The following NELL1 variants were observed in gnomAD, a reference collection of about 807,000 sequenced individuals.
NELL1 encodes protein kinase C-binding protein NELL1.
NELL1 carries 76 observed loss-of-function variants against 107.4 expected under a neutral mutation model. The ratio of observed to expected loss-of-function variants is 0.71; its 90% CI spans 0.59 to 0.86. The LOEUF is 0.86. Ranked by LOEUF, NELL1 falls within the 40% of genes least tolerant of loss-of-function variation. NELL1 has a pLI of 0.00. For missense variants in NELL1, 1,024 were observed against 1,005.5 expected, an observed-to-expected ratio of 1.02 and a Z score of -0.25; for synonymous variants, 353 against 341.2, an observed-to-expected ratio of 1.03 and a Z score of -0.38.
chr11:20,720,343 G>A (rs1855351721), intron 2 of NELL1, among the ~76,000 whole-genome samples: 1 of 151,894 alleles, frequency 6.6e-6, no homozygotes, highest in East Asian at 1.9e-4. Context: ...GAGTAGCTGG[G>A]ACTACAGGCG....
intron 1 of NELL1, among the ~76,000 whole-genome samples, chr11:20,670,172 C>A (rs923402174): frequency 8.5e-5 from 13 of 152,132 alleles, no homozygotes; most frequent in African/African-American, 2.9e-4. Flanking sequence ...CCCCGCCAGG[C>A]TGGGAAGGGG....
Position 20,799,302 on chromosome 11 carries a change from G to C in NELL1, c.335+15472G>C, listed in dbSNP as rs1340810822. 2.6e-5 allele frequency among the ~76,000 whole-genome samples: 4 copies of C among 152,138 alleles called. 1 individual carries two copies. The highest frequency in any genetic ancestry group is 4.4e-5 in the Non-Finnish European group (3 of 68,022). ...AGATGCTGACAGCAATAGCTTCCTT[G>C]ATGATTTCACAGTGTGAGAGACCGT... On this transcript the variant is annotated intron_variant, in intron 3 of 19. Transcript: ENST00000357134.
rs547309843 is a variant in NELL1 at position 21,503,855 on chromosome 11, CT to C, written c.1646-30508del. Among the ~76,000 whole-genome samples the C allele has an allele frequency of 4.4e-3, 642 of 146,834 alleles. 4 individuals are homozygous for C. Among genetic ancestry groups the C allele is most frequent in the African/African-American group, 0.011 (446 of 40,164 alleles). On this transcript the variant is annotated intron_variant, in intron 15 of 19. Transcript: ENST00000357134. ...GCTGTTTCATAGCTGCAACACTTGG[CT>C]TTTTTTTTTTAAATACAGTAATTGA...
rs188823712 is a variant in NELL1 at position 21,334,895 on chromosome 11, A to G, written c.1550-35958A>G. Among the ~76,000 whole-genome samples, 81 of 151,998 alleles carry G rather than the reference A, an allele frequency of 5.3e-4. No homozygotes were observed. In the East Asian group the frequency reaches 0.012, roughly 23 times the overall value. On this transcript the variant is annotated intron_variant, in intron 14 of 19. Coordinates refer to ENST00000357134, the MANE Select transcript of NELL1 (RefSeq NM_006157.5). The stretch of plus-strand genomic sequence containing the variant: ...ACTGAGGGAGCAGAAAGAGGAAGAG[A>G]AAAAAACAGATAAAATGCCTAGCTG...
intron 14 of NELL1, among the ~76,000 whole-genome samples, chr11:21,262,323 G>C (rs1042341236): frequency 1.3e-5 from 2 of 151,696 alleles, no homozygotes; most frequent in South Asian, 2.1e-4. Context: ...TGTCGGGTGA[G>C]AGCCCCGTTC....
At chr11:21,391,612 A>C (rs1851880451) in intron 15 of NELL1, among the ~76,000 whole-genome samples, 2 of 151,614 alleles carry the variant, frequency 1.3e-5, no homozygotes, top group African/African-American at 2.4e-5. Context: ...AAATTAATTG[A>C]GTTATTCATT....
At chr11:21,197,513 G>A (rs934783792) in intron 13 of NELL1, among the ~76,000 whole-genome samples, 4 of 152,104 alleles carry the variant, frequency 2.6e-5, no homozygotes, top group African/African-American at 9.7e-5. Context: ...AGAGGAACTG[G>A]ATGTAGAATT....
intron 2 of NELL1, among the ~76,000 whole-genome samples, chr11:20,689,656 G>A (rs1423521224): frequency 1.4e-5 from 2 of 148,100 alleles, no homozygotes; most frequent in East Asian, 2.0e-4. Flanking sequence ...TGGTGTATAT[G>A]TGCCACATTT....
intron 13 of NELL1, among the ~76,000 whole-genome samples, chr11:21,143,283 T>A (rs1238921569): frequency 1.3e-5 from 2 of 152,176 alleles, no homozygotes; most frequent in African/African-American, 2.4e-5. Context: ...GCAGGAGAAT[T>A]CTTCTTAGGA....
intron 14 of NELL1, among the ~76,000 whole-genome samples, chr11:21,335,879 G>A (rs1283712331): frequency 1.3e-5 from 2 of 151,992 alleles, no homozygotes; most frequent in Non-Finnish European, 2.9e-5. Flanking sequence ...AAAAGACAGA[G>A]GCAATAGACA....
At chr11:20,975,561 C>CAGATATGTATTATATACACATATGT in intron 12 of NELL1, among the ~76,000 whole-genome samples, 1 of 127,060 alleles carries the variant, frequency 7.9e-6, no homozygotes, top group East Asian at 2.6e-4. Context: ...CATATATGTA[C>CAGATATGTATTATATACACATATGT]AGATATAATG....
At chr11:20,996,665 C>T (rs1852097111) in intron 12 of NELL1, among the ~76,000 whole-genome samples, 1 of 152,306 alleles carries the variant, frequency 6.6e-6, no homozygotes, top group African/African-American at 2.4e-5. Context: ...GGATATGCCA[C>T]ATCCCCATTT....
At chr11:21,319,155 G>A (rs983474454) in intron 14 of NELL1, among the ~76,000 whole-genome samples, 7 of 150,578 alleles carry the variant, frequency 4.6e-5, no homozygotes, top group African/African-American at 1.5e-4. Context: ...GTGTGTGTGT[G>A]TATATGTATG....
chr11:21,267,441 A>T (rs1202582585), intron 14 of NELL1, among the ~76,000 whole-genome samples: 1 of 152,068 alleles, frequency 6.6e-6, no homozygotes, highest in Non-Finnish European at 1.5e-5. Context: ...TTTTCTCTCC[A>T]AGAAATGATG....
chr11:21,466,284 C>A (rs1476221678), intron 15 of NELL1, among the ~76,000 whole-genome samples: 1 of 152,128 alleles, frequency 6.6e-6, no homozygotes, highest in African/African-American at 2.4e-5. Context: ...AGACATGGCA[C>A]CCTACTAGCT....
At chr11:21,211,669 C>T (rs945104935) in intron 13 of NELL1, among the ~76,000 whole-genome samples, 1 of 151,874 alleles carries the variant, frequency 6.6e-6, no homozygotes, top group African/African-American at 2.4e-5. Flanking sequence ...AGCGGAATGG[C>T]AATGGAAGTG....
intron 14 of NELL1, among the ~76,000 whole-genome samples, chr11:21,326,049 G>GTTTTTTGTT (rs1850125173): frequency 5.3e-5 from 2 of 37,384 alleles, no homozygotes; most frequent in African/African-American, 2.5e-4. Flanking sequence ...GTTAATCCTA[G>GTTTTTTGTT]TTTTTTTTTT....
At chr11:21,175,811 C>T (rs1336570985) in intron 13 of NELL1, among the ~76,000 whole-genome samples, 1 of 151,874 alleles carries the variant, frequency 6.6e-6, no homozygotes, top group Non-Finnish European at 1.5e-5. Context: ...TACCTCCTAT[C>T]TGAGATGAGT....
chr11:21,088,057 C>CTG (rs1368978929), intron 12 of NELL1, among the ~76,000 whole-genome samples: 1 of 119,616 alleles, frequency 8.4e-6, no homozygotes, highest in Non-Finnish European at 1.8e-5. Context: ...GTCCCAGTAG[C>CTG]TCTGTGTGTG....
Sources: gnomAD v4.1 joint callset for allele counts (sites outside exome capture counted in the v4.1 genomes callset) on GRCh38, gnomAD v4.1.1 for gene constraint, MANE v1.5 for transcripts, NCBI Gene and HGNC (gene_info 2026-07-23, HGNC 2026-07-21) for gene names.